Variants in SYNJ1 observed in about 807,000 individuals in gnomAD.
SYNJ1 encodes the protein polyphosphatidylinositol phosphatase SYNJ1.
In SYNJ1, 78 loss-of-function variants were observed where a neutral mutation model predicts 168.2. That is an observed-to-expected ratio of 0.46 (90% CI 0.39 to 0.56). SYNJ1 has a LOEUF of 0.56. Among genes scored for constraint, SYNJ1 ranks in the 20% least tolerant of loss-of-function variants. SYNJ1 has a pLI of 0.00. For synonymous variants in SYNJ1, 539 were observed against 548.6 expected (o/e 0.98, Z 0.24); for missense variants, 1,303 against 1,597.6 (o/e 0.82, Z 3.14).
chr21:32,663,533 T>C (rs538492568), intron 18 of SYNJ1, among the ~76,000 whole-genome samples: 2 of 152,326 alleles, frequency 1.3e-5, no homozygotes, highest in South Asian at 2.1e-4. Flanking sequence ...AGTTGTGTTA[T>C]TGGCACTATT....
intron 2 of SYNJ1, among the ~76,000 whole-genome samples, chr21:32,714,892 CTTTTGTGGGTTCTAACCCA>C (rs1449449226): frequency 1.3e-5 from 2 of 152,170 alleles, no homozygotes; most frequent in Non-Finnish European, 2.9e-5. Context: ...GTGCATTTTC[CTTTTGTGGGTTCTAACCCA>C]TTATCTGAGT....
At chr21:32,646,957 G>GC (rs1475522771) in intron 23 of SYNJ1, among the ~76,000 whole-genome samples, 1 of 152,072 alleles carries the variant, frequency 6.6e-6, no homozygotes, top group Non-Finnish European at 1.5e-5. Flanking sequence ...CTGTGGAACT[G>GC]CCCCACTCCC....
rs769822700 is a variant in SYNJ1 at position 32,645,675 on chromosome 21, G to A, written c.3362C>T (p.Ala1121Val). The A allele has an allele frequency of 2.0e-6, 3 of 1,519,966 alleles. No homozygotes were observed. The highest frequency in any genetic ancestry group is 2.4e-5 in the East Asian group (1 of 42,392). The allele number at this position is 1,519,966 out of a possible 1,614,324, so 94.2% of individuals were successfully genotyped here. Residue 1121 changes from alanine to valine, a missense_variant, in exon 25 of 33, where the codon GCT becomes GTT. This residue lies in a region of SYNJ1 where 383 missense variants were observed against 388.8 expected (regional missense o/e 0.99). Coordinates refer to ENST00000674351, the MANE Select transcript of SYNJ1 (RefSeq NM_203446.3). ...AGGCGGAGGAGGTCTCTGTGGGGGA[G>A]CCGGGCGTGTGGGAGGGGCGACCGG... The part of the protein sequence containing the change: ...PRPVAPPTRP[A>V]PPQRPPPPSG...
At chr21:32,681,435 A>G in intron 11 of SYNJ1, 61 bp downstream of exon 11, 3 of 1,493,550 alleles carry the variant, frequency 2.0e-6, no homozygotes, top group Non-Finnish European at 2.7e-6. Flanking sequence ...GGCCATTTAA[A>G]AGCTTTATGA....
At chr21:32,680,913 G>C (rs942583499) in intron 11 of SYNJ1, among the ~76,000 whole-genome samples, 11 of 152,260 alleles carry the variant, frequency 7.2e-5, no homozygotes, top group Admixed American at 5.2e-4. Context: ...CACCACACCT[G>C]GCCCATATCT....
At chr21:32,701,864 G>A in intron 3 of SYNJ1, 97 bp downstream of exon 3, 1 of 796,434 alleles carries the variant, frequency 1.3e-6, no homozygotes, top group Non-Finnish European at 1.9e-6. Context: ...GCTTAAATAT[G>A]GAGTCTACAA....
chr21:32,721,992 C>A (rs2043240383), intron 2 of SYNJ1, among the ~76,000 whole-genome samples: 1 of 151,350 alleles, frequency 6.6e-6, no homozygotes, highest in Non-Finnish European at 1.5e-5. Flanking sequence ...TCAAGACCAG[C>A]CTGACCAACA....
At chr21:32,653,971 TAAAA>T (rs1192559086) in intron 21 of SYNJ1, 1 of 147,890 alleles carries the variant, frequency 6.8e-6, no homozygotes, top group Non-Finnish European at 1.5e-5. Context: ...ACTTTTGAAA[TAAAA>T]AAACTATCAA....
intron 31 of SYNJ1, among the ~76,000 whole-genome samples, chr21:32,636,952 C>T (rs561756237): frequency 1.3e-5 from 2 of 152,144 alleles, no homozygotes; most frequent in Non-Finnish European, 2.9e-5. Context: ...GGGGCACACA[C>T]AAAGCATGTG....
chr21:32,665,628 T>C (rs185957236), intron 17 of SYNJ1, among the ~76,000 whole-genome samples: 5 of 152,318 alleles, frequency 3.3e-5, no homozygotes, highest in Admixed American at 3.3e-4. Flanking sequence ...ATCATACACA[T>C]ACTGACTGAT....
At position 32,631,725 on chromosome 21, in the gene SYNJ1, T is replaced by A; in HGVS notation, c.*80A>T. The A allele has an allele frequency of 6.2e-7, 1 of 1,614,188 alleles. No homozygotes were observed. Among genetic ancestry groups the A allele is most frequent in the Non-Finnish European group, 8.5e-7 (1 of 1,180,040 alleles). ...CTGAGCCTTTGATACAGCAAGCAGA[T>A]TAAATGACAGATCTTCAAATGGGTC... On this transcript the variant is annotated 3_prime_UTR_variant, in exon 33 of 33. Transcript: ENST00000674351.
At chr21:32,673,560 T>C (rs777136866) in intron 13 of SYNJ1, 29 bp from the exon 14 acceptor site, 3 of 1,546,744 alleles carry the variant, frequency 1.9e-6, no homozygotes, top group Non-Finnish European at 2.6e-6. Flanking sequence ...AATAGAATTT[T>C]AGCTGCATCA....
intron 32 of SYNJ1, among the ~76,000 whole-genome samples, chr21:32,633,788 A>C (rs2039445343): frequency 6.6e-6 from 1 of 152,214 alleles, no homozygotes; most frequent in Non-Finnish European, 1.5e-5. Flanking sequence ...TTATTCAACT[A>C]TCCTAGAATA....
intron 7 of SYNJ1, 46 bp from the exon 8 acceptor site, chr21:32,687,120 C>T: frequency 1.1e-6 from 1 of 946,594 alleles, no homozygotes; most frequent in Non-Finnish European, 1.5e-6. Flanking sequence ...ATAAGAAGCC[C>T]AATTTTTTCA....
At chr21:32,661,433 G>A (rs940528146) in intron 18 of SYNJ1, among the ~76,000 whole-genome samples, 1 of 152,106 alleles carries the variant, frequency 6.6e-6, no homozygotes, top group Non-Finnish European at 1.5e-5. Context: ...ACTTACTCTG[G>A]GTGGGTGGAG....
intron 9 of SYNJ1, among the ~76,000 whole-genome samples, chr21:32,685,367 A>G (rs1174737688): frequency 2.7e-5 from 4 of 145,740 alleles, no homozygotes; most frequent in African/African-American, 1.0e-4. Flanking sequence ...CAGGTGGATC[A>G]CTTGAGCCCA....
intron 2 of SYNJ1, among the ~76,000 whole-genome samples, chr21:32,709,882 C>G (rs2042764744): frequency 6.6e-6 from 1 of 152,046 alleles, no homozygotes; most frequent in Non-Finnish European, 1.5e-5. Flanking sequence ...AGAATTCTCA[C>G]TGCCATGTGT....
intron 2 of SYNJ1, among the ~76,000 whole-genome samples, chr21:32,722,939 G>A (rs551746719): frequency 6.6e-6 from 1 of 152,210 alleles, no homozygotes; most frequent in South Asian, 2.1e-4. Context: ...AAATCTGCAA[G>A]CCAAAAAAAA....
chr21:32,711,364 C>T (rs2042821762), intron 2 of SYNJ1, among the ~76,000 whole-genome samples: 1 of 149,068 alleles, frequency 6.7e-6, no homozygotes, highest in African/African-American at 2.5e-5. Flanking sequence ...GATGGAGTCT[C>T]GTTCTGTCGC....
Sources: allele counts gnomAD v4.1 joint callset (sites outside exome capture counted in the v4.1 genomes callset), GRCh38; gene constraint gnomAD v4.1.1; regional missense constraint gnomAD v4.1.1; transcripts MANE v1.5; gene names NCBI Gene and HGNC (gene_info 2026-07-23, HGNC 2026-07-21).